PPP1CB: variants seen among roughly 807,000 people sequenced by gnomAD.
PPP1CB encodes the protein serine/threonine-protein phosphatase PP1-beta catalytic subunit.
PPP1CB carries 2 observed loss-of-function variants against 43.7 expected under a neutral mutation model. The observed-to-expected ratio is 0.05, with a 90% CI of 0.02 to 0.14. The LOEUF (loss-of-function observed/expected upper bound fraction) is 0.14. Among genes scored for constraint, PPP1CB ranks in the 10% least tolerant of loss-of-function variants. The probability of loss-of-function intolerance (pLI) is 1.00; values close to 1 mark genes in which losing one functional copy is unlikely to be tolerated. For synonymous variants in PPP1CB, 136 were observed against 135.6 expected (o/e 1.00, Z -0.02); for missense variants, 84 against 398.0 (o/e 0.21, Z 6.71).
intron 1 of PPP1CB, among the ~76,000 whole-genome samples, chr2:28,765,886 A>G (rs937036504): frequency 1.3e-5 from 2 of 152,242 alleles, no homozygotes; most frequent in African/African-American, 4.8e-5. Flanking sequence ...GGCCTGGGCA[A>G]TAAAGCAAGA....
At chr2:28,770,522 A>G (rs1666883458) in intron 1 of PPP1CB, among the ~76,000 whole-genome samples, 1 of 152,164 alleles carries the variant, frequency 6.6e-6, no homozygotes, top group Non-Finnish European at 1.5e-5. Flanking sequence ...ATATAATGCT[A>G]AAAGGATAAA....
intron 1 of PPP1CB, 71 bp from the exon 2 acceptor site, chr2:28,776,780 G>A (rs768904001): frequency 3.0e-5 from 43 of 1,449,298 alleles, no homozygotes; most frequent in Non-Finnish European, 4.1e-5. Context: ...TAAAGTATGG[G>A]CATGACTCTT....
At chr2:28,779,141 G>C (rs1667096220) in intron 3 of PPP1CB, 102 bp downstream of exon 3, 1 of 869,200 alleles carries the variant, frequency 1.2e-6, no homozygotes, top group Non-Finnish European at 1.7e-6. Flanking sequence ...TTCAAAATAA[G>C]ATCTGTCAGG....
chr2:28,771,737 G>T (rs1039185744), intron 1 of PPP1CB, among the ~76,000 whole-genome samples: 1 of 152,104 alleles, frequency 6.6e-6, no homozygotes, highest in African/African-American at 2.4e-5. Context: ...TTTGAGATGG[G>T]TTATAGAATG....
rs149023638 is a variant in PPP1CB at position 28,764,085 on chromosome 2, T to A, written c.52+11909T>A. ...ATTTTTTTTCACTTAAAACCGTGTG[T>A]GTGTTGTGTGCATAGAGAAAGATGG... On this transcript the variant is annotated intron_variant, in intron 1 of 7. Transcript: ENST00000395366. Among the ~76,000 whole-genome samples, 13 of 151,776 alleles carry A rather than the reference T, an allele frequency of 8.6e-5. No homozygotes were observed. In the East Asian group the frequency reaches 2.3e-3, roughly 27 times the overall value.
chr2:28,791,148 C>A (rs1256524932), intron 6 of PPP1CB, among the ~76,000 whole-genome samples: 1 of 152,080 alleles, frequency 6.6e-6, no homozygotes, highest in African/African-American at 2.4e-5. Flanking sequence ...AGCTTTACTC[C>A]CCATGACACT....
At chr2:28,782,894 T>A (rs1341979989) in intron 4 of PPP1CB, 1 of 152,226 alleles carries the variant, frequency 6.6e-6, no homozygotes, top group Non-Finnish European at 1.5e-5. Flanking sequence ...TGGCAGAACA[T>A]AATTCACTAT....
chr2:28,751,718 CG>C, upstream of PPP1CB: 1 of 238,106 alleles, frequency 4.2e-6, no homozygotes. Flanking sequence ...GGAGCCTCGG[CG>C]GGGAGCGCAC....
At chr2:28,771,149 G>T (rs1666904246) in intron 1 of PPP1CB, among the ~76,000 whole-genome samples, 1 of 148,376 alleles carries the variant, frequency 6.7e-6, no homozygotes, top group African/African-American at 2.5e-5. Context: ...TGTCTCTTGG[G>T]TTCAAGCGAT....
At chr2:28,782,061 T>C (rs904751302) in intron 4 of PPP1CB, 2 of 543,548 alleles carry the variant, frequency 3.7e-6, no homozygotes, top group African/African-American at 2.0e-5. Flanking sequence ...ATATAAGGAG[T>C]GTAACTAGAG....
chr2:28,775,931 G>T (rs1667030734), intron 1 of PPP1CB, among the ~76,000 whole-genome samples: 1 of 152,080 alleles, frequency 6.6e-6, no homozygotes, highest in African/African-American at 2.4e-5. Flanking sequence ...AGCCTTTAGA[G>T]GTTTTAATAT....
At chr2:28,790,886 T>C (rs1055283332) in intron 6 of PPP1CB, among the ~76,000 whole-genome samples, 2 of 152,216 alleles carry the variant, frequency 1.3e-5, no homozygotes, top group African/African-American at 2.4e-5. Context: ...TCTACTTTTG[T>C]GTATATTTGA....
At chr2:28,753,952 G>A (rs188276325) in intron 1 of PPP1CB, among the ~76,000 whole-genome samples, 1 of 151,972 alleles carries the variant, frequency 6.6e-6, no homozygotes, top group Non-Finnish European at 1.5e-5. Context: ...TGGCCTGGCT[G>A]GTCTTGAACT....
intron 1 of PPP1CB, among the ~76,000 whole-genome samples, chr2:28,776,555 C>T (rs1197691689): frequency 7.2e-5 from 11 of 152,102 alleles, no homozygotes; most frequent in South Asian, 4.1e-4. Flanking sequence ...CCACCGTGCC[C>T]GGCCCTGAAA....
intron 7 of PPP1CB, among the ~76,000 whole-genome samples, chr2:28,798,009 G>A (rs1366113078): frequency 6.6e-6 from 1 of 152,058 alleles, no homozygotes. Flanking sequence ...ATGGTAAATG[G>A]TTGATTGCTC....
At position 28,751,847 on chromosome 2, in the gene PPP1CB, C is replaced by CGAGGAG; in HGVS notation, c.-270_-265dup. 1.9e-6 allele frequency: 1 copy of CGAGGAG among 533,244 alleles called. No homozygotes were observed. Among genetic ancestry groups the CGAGGAG allele is most frequent in the South Asian group, 1.9e-5 (1 of 52,964 alleles). 33.0% of individuals were successfully genotyped at this position (533,244 alleles called of 1,614,324 possible). A position where few individuals can be genotyped will look rare whatever the true frequency, so the allele number is the denominator to read the frequency against. On this transcript the variant is annotated 5_prime_UTR_variant, in exon 1 of 8. Transcript: ENST00000395366. ...TGAGCTTTGCGGAGCTGGGCGGTGCCGAGGAGGAGGAGGTGGCGGCCTGGG... is the reference window on the plus strand; with the variant it reads ...TGAGCTTTGCGGAGCTGGGCGGTGCCGAGGAGGAGGAGGAGGAGGTGGCGGCCTGGG...
chr2:28,754,158 T>G (rs1351638850), intron 1 of PPP1CB, among the ~76,000 whole-genome samples: 7 of 152,218 alleles, frequency 4.6e-5, no homozygotes, highest in Non-Finnish European at 1.0e-4. Flanking sequence ...CAGATTTATG[T>G]TTTAAAATGT....
intron 6 of PPP1CB, among the ~76,000 whole-genome samples, chr2:28,789,190 C>T (rs1366031332): frequency 1.3e-5 from 2 of 152,030 alleles, no homozygotes; most frequent in Non-Finnish European, 2.9e-5. Flanking sequence ...AACCTTTTAT[C>T]ACCCTAAAAG....
intron 5 of PPP1CB, among the ~76,000 whole-genome samples, chr2:28,787,349 C>T (rs1306635940): frequency 1.3e-5 from 2 of 152,138 alleles, no homozygotes; most frequent in Non-Finnish European, 2.9e-5. Flanking sequence ...GTCCCAGCTA[C>T]TCGGGAGGCT....
Sources: gnomAD v4.1 joint callset for allele counts (sites outside exome capture counted in the v4.1 genomes callset) on GRCh38, gnomAD v4.1.1 for gene constraint, MANE v1.5 for transcripts, NCBI Gene and HGNC (gene_info 2026-07-23, HGNC 2026-07-21) for gene names.